The following MUC6 variants were observed in gnomAD, a reference collection of about 807,000 sequenced individuals.
MUC6 encodes the protein mucin-6.
In MUC6, 188 loss-of-function variants were observed where a neutral mutation model predicts 201.5. That is an observed-to-expected ratio of 0.93 (90% confidence interval 0.83 to 1.05). The LOEUF is 1.05. Ranked by LOEUF, MUC6 falls within the 50% of genes least tolerant of loss-of-function variation. The pLI is 0.00. For synonymous variants in MUC6, 1,228 were observed against 1,389.4 expected, an observed-to-expected ratio of 0.88 and a Z score of 2.58; for missense variants, 2,706 against 3,256.9, an observed-to-expected ratio of 0.83 and a Z score of 4.12.
In MUC6 at chr11:1,026,317, T is replaced by A; in HGVS notation, c.2546+10A>T. On this transcript the variant is annotated intron_variant, in intron 20 of 32. Transcript: ENST00000421673. ...GAGCCCAGGGCGTCTGAAGCGAGGCTTTGTCTCACCAGGTCCTGCAGTCAG... is the reference window on the plus strand; with the variant it reads ...GAGCCCAGGGCGTCTGAAGCGAGGCATTGTCTCACCAGGTCCTGCAGTCAG... 1.5e-5 allele frequency: 23 copies of A among 1,566,324 alleles called. No homozygotes were observed. Among genetic ancestry groups the A allele is most frequent in the Non-Finnish European group, 1.6e-5 (19 of 1,156,770 alleles).
Position 1,016,639 on chromosome 11 carries a change from G to A in MUC6, c.6162C>T (p.Ala2054=). 1 of 1,614,144 alleles carries A rather than the reference G, an allele frequency of 6.2e-7. No individual in the cohort carries two copies. Among genetic ancestry groups the A allele is most frequent in the Non-Finnish European group, 8.5e-7 (1 of 1,179,924 alleles). Residue 2054 remains alanine (A), a synonymous_variant, in exon 31 of 33, where the codon GCC becomes GCT. Coordinates refer to ENST00000421673, the MANE Select transcript of MUC6 (RefSeq NM_005961.3). ...GTVPPPTTLK[A]TGSTHTAPPM... is the part of the protein sequence containing the mutation. ...GTGGGGCTGTGTGGGTGGACCCTGT[G>A]GCCTTGAGCGTTGTTGGTGGAGGAA...
At chr11:1,025,119 G>A (rs543205335) in intron 23 of MUC6, 36 bp from the exon 24 acceptor site, 32 of 1,612,084 alleles carry the variant, frequency 2.0e-5, no homozygotes, top group South Asian at 1.2e-4. Flanking sequence ...CCCAGGGGCC[G>A]TGCCATCTGT....
intron 22 of MUC6, 22 bp from the exon 23 acceptor site, chr11:1,025,389 G>C: frequency 6.3e-7 from 1 of 1,598,564 alleles, no homozygotes; most frequent in Non-Finnish European, 8.5e-7. Flanking sequence ...GGTTGGCATA[G>C]GACTGCCTGT....
Position 1,026,130 on chromosome 11 carries a change from CT to C in MUC6, c.2557del (p.Arg853GlyfsTer59). On this transcript the variant is annotated frameshift_variant, in exon 21 of 33. Coordinates refer to ENST00000421673, the MANE Select transcript of MUC6 (RefSeq NM_005961.3). LOFTEE classifies it high-confidence loss of function. ...GCCCTGCTGACAGGCCCACCTCCCC[CT>C]TGAGCAGGAGCTGTGGAGACAGCAG... ...HTDCRTCSCSRGRWACQQGTH... is the reference protein window; with the variant it reads ...HTDCRTCSCSXGRWACQQGTH... 1 of 1,597,128 alleles carries C rather than the reference CT, an allele frequency of 6.3e-7. No individual in the cohort carries two copies. Among genetic ancestry groups the C allele is most frequent in the Non-Finnish European group, 8.5e-7 (1 of 1,172,944 alleles).
chr11:1,016,294 G>C lies in MUC6; in HGVS notation c.6507C>G (p.Pro2169=), dbSNP rs761927030. 6 of 1,612,150 alleles carry C rather than the reference G, an allele frequency of 3.7e-6. No individual in the cohort carries two copies. The East Asian group carries it at 6.7e-5, about 18-fold the overall frequency. The change falls in exon 31 of 33, where the codon CCC becomes CCG. Residue 2169 remains proline, a synonymous_variant. Coordinates refer to ENST00000421673, the MANE Select transcript of MUC6 (RefSeq NM_005961.3). ...CCGAGCTCAGGGTTGTGGAGTGCAC[G>C]GGGGCGGACACGAAAGAGGAAGATG... ...VGTSSSFVSA[P]VHSTTLSSGS...
At chr11:1,032,769 GGTGT>G (rs780268592) in intron 2 of MUC6, among the ~76,000 whole-genome samples, 25 of 150,252 alleles carry the variant, frequency 1.7e-4, no homozygotes, top group Admixed American at 1.1e-3. Flanking sequence ...TAGAGTGTTG[GGTGT>G]GTGTGTGACG....
At position 1,029,049 on chromosome 11, in the gene MUC6, C is replaced by T. The variant is rs371682468; in HGVS notation, c.1377G>A (p.Arg459=). The change falls in exon 11 of 33, where the codon AGG becomes AGA. Residue 459 remains arginine (R), a synonymous_variant. Transcript: ENST00000421673. ...TSLVAVVYLS[R]QDKIVISQDE... ...ATGGGCGCAGGAAAGGCCTTACCTG[C>T]CTGGAGAGGTAGACCACAGCCACCA... The T allele has an allele frequency of 4.3e-5, 69 of 1,612,616 alleles. No homozygotes were observed. The highest frequency in any genetic ancestry group is 5.8e-5 in the Non-Finnish European group (68 of 1,179,824).
At chr11:1,020,841 G>GTGGAGGGGAC in intron 27 of MUC6, 107 bp from the exon 28 acceptor site, 5 of 1,414,138 alleles carry the variant, frequency 3.5e-6, no homozygotes, top group South Asian at 1.3e-5. Flanking sequence ...CAAGGCTGTG[G>GTGGAGGGGAC]TGGAGGGGAC....
chr11:1,015,279 G>A (rs1039915599), intron 31 of MUC6, among the ~76,000 whole-genome samples: 3 of 152,258 alleles, frequency 2.0e-5, no homozygotes, highest in Non-Finnish European at 4.4e-5. Context: ...CTGGTTGCCA[G>A]GTCCAGCTCC....
rs865894157 is a variant in MUC6, at chr11:1,013,475, G to A, written c.7301C>T (p.Ser2434Phe). ...ACCCTGCTAGTCTCCACAGGCCACA[G>A]AGCTGCACACGCAGTGGCTGAACAC... ...LQVFSHCVCS[S>F]VACGD Residue 2434 changes from serine (S) to phenylalanine (F), a missense_variant, in exon 33 of 33, where the codon TCT becomes TTT. Coordinates refer to ENST00000421673, the MANE Select transcript of MUC6 (RefSeq NM_005961.3). 5.7e-6 allele frequency: 9 copies of A among 1,584,854 alleles called. No homozygotes were observed. Among genetic ancestry groups the A allele is most frequent in the Middle Eastern group, 1.9e-4 (1 of 5,354 alleles).
At chr11:1,021,090 G>A in intron 27 of MUC6, 125 bp downstream of exon 27, 1 of 945,468 alleles carries the variant, frequency 1.1e-6, no homozygotes, top group Non-Finnish European at 1.5e-6. Context: ...GGAGAGTGGA[G>A]TCCCAGAGCT....
Position 1,031,893 on chromosome 11 carries a change from C to A in MUC6, c.276G>T (p.Gly92=). 1 of 1,613,164 alleles carries A rather than the reference C, an allele frequency of 6.2e-7. No homozygotes were observed. Among genetic ancestry groups the A allele is most frequent in the Non-Finnish European group, 8.5e-7 (1 of 1,179,882 alleles). ...FSVQLRRGPD[G]SISRIIVELG... ...GCTCCACGATGATCCGCGAGATGCT[C>A]CCGTCTGGGCCTCGCCGCAGCTGGA... The change falls in exon 3 of 33, where the codon GGG becomes GGT. Residue 92 remains glycine (G), a synonymous_variant. Transcript: ENST00000421673.
rs748593476 is a variant in MUC6, at chr11:1,016,433, G to C, written c.6368C>G (p.Thr2123Arg). 1 of 1,613,922 alleles carries C rather than the reference G, an allele frequency of 6.2e-7. No individual in the cohort carries two copies. The highest frequency in any genetic ancestry group is 8.5e-7 in the Non-Finnish European group (1 of 1,179,874). Reference protein sequence around the residue: ...HLSSATTPVSTTNQLSSSFSP... With the variant: ...HLSSATTPVSRTNQLSSSFSP... ...AAATGAGGAGGACAGCTGATTAGTT[G>C]TGGAAACAGGAGTGGTTGCAGAACT... Residue 2123 changes from threonine (T) to arginine (R), a missense_variant, in exon 31 of 33, where the codon ACA becomes AGA. Transcript: ENST00000421673.
chr11:1,030,909 G>T, intron 6 of MUC6, 38 bp downstream of exon 6: 2 of 1,544,008 alleles, frequency 1.3e-6, no homozygotes, highest in Non-Finnish European at 1.7e-6. Flanking sequence ...GACCCTGTCA[G>T]ACCTGGGGTC....
intron 13 of MUC6, 84 bp from the exon 14 acceptor site, chr11:1,028,471 C>A (rs1358911351): frequency 1.9e-6 from 3 of 1,558,838 alleles, no homozygotes; most frequent in Non-Finnish European, 2.6e-6. Context: ...TCCCGTCCTT[C>A]CTCTAACAGC....
chr11:1,016,391 G>A lies in MUC6; in HGVS notation c.6410C>T (p.Ala2137Val), dbSNP rs371729856. The change falls in exon 31 of 33, where the codon GCC (alanine) becomes GTC (valine). Residue 2137 changes from alanine (A) to valine (V), a missense_variant. By Grantham distance (64) the Ala-to-Val change is moderately conservative (BLOSUM62 0). This residue lies in a region of MUC6 where 586 missense variants were observed against 488.0 expected (regional missense o/e 1.20). Coordinates refer to ENST00000421673, the MANE Select transcript of MUC6 (RefSeq NM_005961.3). ...CACATAAGAAGAAACAGTAGAGGGGGCAGAAGGACTGGGAGAAAATGAGGA... is the reference window on the plus strand; with the variant it reads ...CACATAAGAAGAAACAGTAGAGGGGACAGAAGGACTGGGAGAAAATGAGGA... Reference protein sequence around the residue: ...LSSSFSPSPSAPSTVSSYVPS... With the variant: ...LSSSFSPSPSVPSTVSSYVPS... 2.5e-6 allele frequency: 4 copies of A among 1,613,116 alleles called. No individual in the cohort carries two copies. Among genetic ancestry groups the A allele is most frequent in the Admixed American group, 3.3e-5 (2 of 59,832 alleles).
At position 1,026,399 on chromosome 11, in the gene MUC6, T is replaced by C; in HGVS notation, c.2474A>G (p.Glu825Gly). ...ENADGQCVPP[E>G]ECPCEFSGVS... ...CCCCGAGAACTCACATGGGCACTCCTCGGGGGGCACACACTGCCCGTCGGC... is the reference window on the plus strand; with the variant it reads ...CCCCGAGAACTCACATGGGCACTCCCCGGGGGGCACACACTGCCCGTCGGC... The change falls in exon 20 of 33, where the codon GAG (glutamate) becomes GGG (glycine). Residue 825 changes from glutamate (E) to glycine (G), a missense_variant. Around this residue, in one of 10 missense-constraint regions of MUC6, gnomAD observed 1,850 missense variants for 1,958.3 expected, o/e 0.94. Transcript: ENST00000421673. The C allele has an allele frequency of 6.2e-7, 1 of 1,608,256 alleles. No individual in the cohort carries two copies. The highest frequency in any genetic ancestry group is 8.5e-7 in the Non-Finnish European group (1 of 1,178,142).
intron 30 of MUC6, 119 bp downstream of exon 30, chr11:1,019,156 C>G (rs1006449983): frequency 5.9e-5 from 72 of 1,215,068 alleles, no homozygotes; most frequent in Non-Finnish European, 7.8e-5. Context: ...TTTGGGCTGC[C>G]TTCTCGCTTG....
Position 1,031,150 on chromosome 11 carries a change from C to A in MUC6, c.574+19G>T. On this transcript the variant is annotated intron_variant, in intron 5 of 32. Coordinates refer to ENST00000421673, the MANE Select transcript of MUC6 (RefSeq NM_005961.3). ...CCTAGAGGCCCCCCCAGAGGCCCCC[C>A]AGCCCTGCCCCCACCTACCCTCCTC... 6.6e-7 allele frequency: 1 copy of A among 1,507,206 alleles called. No homozygotes were observed. The highest frequency in any genetic ancestry group is 1.2e-5 in the South Asian group (1 of 82,400). 93.4% of individuals were successfully genotyped at this position (1,507,206 alleles called of 1,614,324 possible).
Sources: allele counts gnomAD v4.1 joint callset (sites outside exome capture counted in the v4.1 genomes callset), GRCh38; gene constraint gnomAD v4.1.1; regional missense constraint gnomAD v4.1.1; transcripts MANE v1.5; gene names NCBI Gene and HGNC (gene_info 2026-07-23, HGNC 2026-07-21).